The following MTA3 variants were observed in gnomAD, a reference collection of about 807,000 sequenced individuals.
The protein encoded by MTA3 is metastasis-associated protein MTA3.
Under a neutral mutation model 83.5 loss-of-function variants are expected in MTA3, and 34 were observed. That is an observed-to-expected ratio of 0.41 (90% CI 0.31 to 0.54). The LOEUF (loss-of-function observed/expected upper bound fraction) is 0.54, where lower values mean the gene tolerates loss of function less well. Among genes scored for constraint, MTA3 ranks in the 20% least tolerant of loss-of-function variants. MTA3 has a pLI of 0.33. For missense variants in MTA3, 761 were observed against 726.4 expected (o/e 1.05, Z -0.55); for synonymous variants, 303 against 252.7 (o/e 1.20, Z -1.89).
chr2:42,607,389 A>G (rs1457083616), intron 3 of MTA3, among the ~76,000 whole-genome samples: 1 of 152,008 alleles, frequency 6.6e-6, no homozygotes, highest in African/African-American at 2.4e-5. Flanking sequence ...TTATTTATTT[A>G]TTTATTTCGA....
At position 42,544,272 on chromosome 2, in the gene MTA3, C is replaced by T. The variant is rs373377793; in HGVS notation, c.-140-26165C>T. Among the ~76,000 whole-genome samples, 11 of 151,996 alleles carry T rather than the reference C, an allele frequency of 7.2e-5. No homozygotes were observed. The South Asian group carries it at 2.3e-3, about 32-fold the overall frequency. ...ACCAGCCTGACCAACACAGTGAAAC[C>T]TCGTCTCTACTAAAAATACAAAAAT... On this transcript the variant is annotated intron_variant, in intron 2 of 17. Transcript: ENST00000405592.
chr2:42,626,506 C>T (rs531859886), intron 4 of MTA3, among the ~76,000 whole-genome samples: 1 of 151,666 alleles, frequency 6.6e-6, no homozygotes, highest in East Asian at 2.0e-4. Context: ...CCATGTTGGC[C>T]AGGCTGGTCT....
intron 6 of MTA3, among the ~76,000 whole-genome samples, chr2:42,651,299 T>A (rs1407340458): frequency 1.3e-5 from 2 of 152,238 alleles, no homozygotes; most frequent in Admixed American, 6.5e-5. Context: ...CTGTAGACTT[T>A]ATAAACACTG....
intron 14 of MTA3, among the ~76,000 whole-genome samples, chr2:42,714,522 G>C (rs915720408): frequency 6.6e-6 from 1 of 152,106 alleles, no homozygotes; most frequent in Non-Finnish European, 1.5e-5. Flanking sequence ...AATTCTGTGT[G>C]TATATTGCAG....
intron 14 of MTA3, among the ~76,000 whole-genome samples, chr2:42,710,334 C>A (rs528743089): frequency 2.5e-4 from 38 of 152,134 alleles, no homozygotes; most frequent in Non-Finnish European, 5.0e-4. Flanking sequence ...GGGTGGATCA[C>A]CTGAGGTCAG....
intron 4 of MTA3, among the ~76,000 whole-genome samples, chr2:42,635,112 T>G (rs1687056134): frequency 6.6e-6 from 1 of 152,214 alleles, no homozygotes; most frequent in Non-Finnish European, 1.5e-5. Flanking sequence ...GGTTTGGAAA[T>G]CACTTCTCTC....
intron 2 of MTA3, among the ~76,000 whole-genome samples, chr2:42,572,355 C>G (rs887105265): frequency 1.3e-5 from 2 of 151,784 alleles, no homozygotes; most frequent in Non-Finnish European, 2.9e-5. Flanking sequence ...AAGCTGAGGC[C>G]TCAGGATCCT....
chr2:42,562,378 T>C (rs1210638507), intron 2 of MTA3, among the ~76,000 whole-genome samples: 2 of 152,196 alleles, frequency 1.3e-5, no homozygotes, highest in African/African-American at 4.8e-5. Flanking sequence ...TTTCAGGCTG[T>C]GTCCCTTTCC....
chr2:42,615,836 T>A (rs1248026431), intron 4 of MTA3, among the ~76,000 whole-genome samples: 3 of 146,240 alleles, frequency 2.1e-5, no homozygotes, highest in African/African-American at 7.6e-5. Flanking sequence ...TTCTCCTGCC[T>A]GAATCTCCAG....
At chr2:42,576,896 A>G (rs565066971) in intron 2 of MTA3, among the ~76,000 whole-genome samples, 5 of 151,836 alleles carry the variant, frequency 3.3e-5, no homozygotes, top group East Asian at 1.9e-4. Context: ...CTCCATCTCA[A>G]CAAACAAACA....
chr2:42,583,073 C>T (rs1011469160), intron 3 of MTA3, among the ~76,000 whole-genome samples: 1 of 151,752 alleles, frequency 6.6e-6, no homozygotes, highest in Non-Finnish European at 1.5e-5. Flanking sequence ...ATTTTACCAC[C>T]AAAAAACGGG....
At chr2:42,687,980 A>G (rs1036443979) in intron 9 of MTA3, among the ~76,000 whole-genome samples, 17 of 152,230 alleles carry the variant, frequency 1.1e-4, no homozygotes, top group Admixed American at 1.1e-3. Flanking sequence ...GGCAGTCGCT[A>G]CTGACAAGGG....
intron 2 of MTA3, among the ~76,000 whole-genome samples, chr2:42,548,846 A>ATATAATAT (rs1553340715): frequency 6.6e-5 from 1 of 15,064 alleles, no homozygotes; most frequent in African/African-American, 2.6e-4. Flanking sequence ...ATATATATAT[A>ATATAATAT]ATATATATAT....
chr2:42,596,741 G>C (rs1681831704), intron 3 of MTA3, among the ~76,000 whole-genome samples: 1 of 152,060 alleles, frequency 6.6e-6, no homozygotes, highest in South Asian at 2.1e-4. Flanking sequence ...CTTTACTTCT[G>C]TCATTGTGTG....
At chr2:42,752,487 C>T (rs959300497) in intron 16 of MTA3, among the ~76,000 whole-genome samples, 14 of 151,220 alleles carry the variant, frequency 9.3e-5, no homozygotes, top group African/African-American at 3.2e-4. Context: ...GTTTGCAGGC[C>T]ACTTCTGCTT....
chr2:42,610,968 A>G (rs377763924), intron 4 of MTA3, among the ~76,000 whole-genome samples: 3 of 139,928 alleles, frequency 2.1e-5, no homozygotes, highest in Non-Finnish European at 3.1e-5. Flanking sequence ...AAAATGCATT[A>G]TTTCTTTTCT....
At chr2:42,553,348 C>G (rs1368049902) in intron 2 of MTA3, among the ~76,000 whole-genome samples, 1 of 149,778 alleles carries the variant, frequency 6.7e-6, no homozygotes, top group Non-Finnish European at 1.5e-5. Context: ...GGCGTGAACC[C>G]TGGAAGCGGA....
At chr2:42,577,135 A>ATATATAT (rs1558451263) in intron 2 of MTA3, among the ~76,000 whole-genome samples, 7 of 93,990 alleles carry the variant, frequency 7.4e-5, no homozygotes, top group African/African-American at 2.8e-4. Flanking sequence ...TATATATATA[A>ATATATAT]AAATGAACTC....
chr2:42,568,532 T>C (rs573351449), upstream of MTA3: 41 of 253,102 alleles, frequency 1.6e-4, 2 homozygotes, highest in South Asian at 6.4e-3. Context: ...TCGGCCTTGC[T>C]AGCCTGGCGC....
Sources: allele counts gnomAD v4.1 joint callset (sites outside exome capture counted in the v4.1 genomes callset), GRCh38; gene constraint gnomAD v4.1.1; transcripts MANE v1.5; gene names NCBI Gene and HGNC (gene_info 2026-07-23, HGNC 2026-07-21).